The following HSPA12A variants were observed in gnomAD, a reference collection of about 807,000 sequenced individuals.
HSPA12A encodes heat shock protein family A (Hsp70) member 12A.
HSPA12A carries 28 observed loss-of-function variants against 69.2 expected under a neutral mutation model. That is an observed-to-expected ratio of 0.40 (90% CI 0.30 to 0.55). The LOEUF is 0.55. Ranked by LOEUF, HSPA12A falls within the 20% of genes least tolerant of loss-of-function variation. The pLI is 0.38. For missense variants in HSPA12A, 686 were observed against 900.7 expected, an observed-to-expected ratio of 0.76 and a Z score of 3.05; for synonymous variants, 345 against 370.5, an observed-to-expected ratio of 0.93 and a Z score of 0.79.
intron 2 of HSPA12A, chr10:116,750,249 A>C: frequency 1.2e-6 from 1 of 800,310 alleles, no homozygotes; most frequent in Non-Finnish European, 2.2e-6. Flanking sequence ...GGCATGGGCA[A>C]GATCTATGAA....
At chr10:116,787,115 C>T (rs934209771) in intron 2 of HSPA12A, among the ~76,000 whole-genome samples, 2 of 151,978 alleles carry the variant, frequency 1.3e-5, no homozygotes, top group African/African-American at 4.8e-5. Context: ...ATTCTGACTG[C>T]AGTCAAGATT....
At chr10:116,685,682 A>G (rs1554879430) in intron 6 of HSPA12A, among the ~76,000 whole-genome samples, 1 of 151,926 alleles carries the variant, frequency 6.6e-6, no homozygotes, top group Non-Finnish European at 1.5e-5. Flanking sequence ...AGAGCTATTT[A>G]TCAACTCCTT....
chr10:116,754,166 G>C (rs1199745721), intron 2 of HSPA12A, among the ~76,000 whole-genome samples: 1 of 152,192 alleles, frequency 6.6e-6, no homozygotes, highest in Non-Finnish European at 1.5e-5. Flanking sequence ...TGGCAATGTG[G>C]TGGGAGGGAG....
chr10:116,774,672 T>A (rs951679151), intron 2 of HSPA12A, among the ~76,000 whole-genome samples: 17 of 152,114 alleles, frequency 1.1e-4, no homozygotes, highest in African/African-American at 3.9e-4. Context: ...GATTGGAGAG[T>A]GGGACATTGA....
At chr10:116,750,510 T>C (rs571820319) in intron 2 of HSPA12A, 74 of 468,902 alleles carry the variant, frequency 1.6e-4, no homozygotes, top group African/African-American at 1.3e-3. Flanking sequence ...AGTCAGAATG[T>C]CGTGGATTAT....
chr10:116,735,677 C>A (rs1353557974), intron 1 of HSPA12A, among the ~76,000 whole-genome samples: 1 of 152,128 alleles, frequency 6.6e-6, no homozygotes, highest in Non-Finnish European at 1.5e-5. Flanking sequence ...CCAACAGAGA[C>A]CTGCCCAGAG....
intron 6 of HSPA12A, among the ~76,000 whole-genome samples, chr10:116,691,795 A>G (rs1076367): frequency 0.52 from 79,380 of 152,106 alleles, 21,118 homozygotes; most frequent in Middle Eastern, 0.65. Flanking sequence ...CCCCTTGGCC[A>G]TGCCACTGCC....
intron 2 of HSPA12A, among the ~76,000 whole-genome samples, chr10:116,706,580 TC>T (rs201873031): frequency 6.6e-6 from 1 of 152,166 alleles, no homozygotes; most frequent in East Asian, 1.9e-4. Flanking sequence ...TGCCCTGTCT[TC>T]CGGGCACTCA....
At chr10:116,722,865 G>C (rs114239723) in intron 1 of HSPA12A, among the ~76,000 whole-genome samples, 2,096 of 152,288 alleles carry the variant, frequency 0.014, 17 homozygotes, top group Non-Finnish European at 0.018. Flanking sequence ...GGGGTGTTAG[G>C]ACAGACTGAC....
chr10:116,772,268 T>C (rs2133119465), intron 2 of HSPA12A, among the ~76,000 whole-genome samples: 1 of 152,174 alleles, frequency 6.6e-6, no homozygotes, highest in South Asian at 2.1e-4. Context: ...GAGCTGATCT[T>C]GGATCCTGTG....
intron 2 of HSPA12A, among the ~76,000 whole-genome samples, chr10:116,800,757 T>A (rs1445988835): frequency 6.6e-6 from 1 of 152,154 alleles, no homozygotes; most frequent in East Asian, 1.9e-4. Context: ...ACCTGACAGG[T>A]CTCAAGTCTA....
At chr10:116,732,441 T>C (rs1377165057) in intron 1 of HSPA12A, among the ~76,000 whole-genome samples, 1 of 152,050 alleles carries the variant, frequency 6.6e-6, no homozygotes, top group Non-Finnish European at 1.5e-5. Context: ...CAGCCCTGGA[T>C]CCTCACTGTA....
upstream of HSPA12A, chr10:116,849,771 T>A: frequency 6.8e-7 from 1 of 1,461,244 alleles, no homozygotes; most frequent in Non-Finnish European, 9.1e-7. Flanking sequence ...CGCCAACCCC[T>A]CTCCCCCCGC....
At chr10:116,727,558 TTTGAC>T (rs1335904087) in intron 1 of HSPA12A, among the ~76,000 whole-genome samples, 1 of 152,092 alleles carries the variant, frequency 6.6e-6, no homozygotes, top group East Asian at 1.9e-4. Context: ...CTGAGGATGA[TTTGAC>T]TTATGATTAC....
At chr10:116,767,876 C>T (rs1844114738) in intron 2 of HSPA12A, among the ~76,000 whole-genome samples, 1 of 152,174 alleles carries the variant, frequency 6.6e-6, no homozygotes, top group African/African-American at 2.4e-5. Context: ...GAGTAACTAC[C>T]TCTTCTAATC....
intron 2 of HSPA12A, among the ~76,000 whole-genome samples, chr10:116,755,361 C>T (rs1246327501): frequency 6.6e-6 from 1 of 151,958 alleles, no homozygotes; most frequent in Non-Finnish European, 1.5e-5. Flanking sequence ...TCTGTAATCC[C>T]AGCACTTTGG....
intron 2 of HSPA12A, among the ~76,000 whole-genome samples, chr10:116,759,257 C>T (rs1180135759): frequency 6.6e-6 from 1 of 152,224 alleles, no homozygotes; most frequent in Non-Finnish European, 1.5e-5. Context: ...GTAGTTCTGT[C>T]TCCATCTCTG....
chr10:116,794,553 C>T (rs749992693), intron 2 of HSPA12A, among the ~76,000 whole-genome samples: 6 of 152,186 alleles, frequency 3.9e-5, no homozygotes, highest in Non-Finnish European at 8.8e-5. Flanking sequence ...TGTAATCATA[C>T]CTATAATCCC....
intron 3 of HSPA12A, among the ~76,000 whole-genome samples, chr10:116,704,471 G>T (rs1357417991): frequency 6.6e-6 from 1 of 151,854 alleles, no homozygotes; most frequent in Non-Finnish European, 1.5e-5. Context: ...GGGGTGGGGG[G>T]AGTGGGGAGG....
Sources: gnomAD v4.1 joint callset for allele counts (sites outside exome capture counted in the v4.1 genomes callset) on GRCh38, gnomAD v4.1.1 for gene constraint, MANE v1.5 for transcripts, NCBI Gene and HGNC (gene_info 2026-07-23, HGNC 2026-07-21) for gene names.